FREM3: variants seen among roughly 807,000 people sequenced by gnomAD.
The protein encoded by FREM3 is FRAS1-related extracellular matrix protein 3.
In FREM3, 105 loss-of-function variants were observed where a neutral mutation model predicts 129.1. The ratio of observed to expected loss-of-function variants is 0.81; its 90% CI spans 0.69 to 0.96. The LOEUF is 0.96. FREM3 is among the 40% of genes least tolerant of loss of function. FREM3 has a pLI of 0.00. For missense variants in FREM3, 2,593 were observed against 2,666.3 expected (o/e 0.97, Z 0.61); for synonymous variants, 1,014 against 1,044.9 (o/e 0.97, Z 0.57).
At chr4:143,643,576 G>T (rs968008522) in intron 2 of FREM3, among the ~76,000 whole-genome samples, 1 of 152,050 alleles carries the variant, frequency 6.6e-6, no homozygotes, top group African/African-American at 2.4e-5. Flanking sequence ...TGCAAATACT[G>T]CACAGTCTCA....
Position 143,577,840 on chromosome 4 carries a change from T to C in FREM3, c.6191A>G (p.Tyr2064Cys), listed in dbSNP as rs528384353. 1.3e-6 allele frequency: 2 copies of C among 1,537,112 alleles called. No individual in the cohort carries two copies. The highest frequency in any genetic ancestry group is 4.9e-5 in the East Asian group (2 of 40,924). Reference sequence around the variant, plus strand: ...GTCCAGGTTTCGGCTGATACCAACATAATCTGTTCCAGCTAGTGAAAAAGG... The same window carrying C: ...GTCCAGGTTTCGGCTGATACCAACACAATCTGTTCCAGCTAGTGAAAAAGG... Reference protein sequence around the residue: ...EQESAEAGTDYVGISRNLDFA... With the variant: ...EQESAEAGTDCVGISRNLDFA... Residue 2064 changes from tyrosine to cysteine, a missense_variant, in exon 8 of 8, where the codon TAT (tyrosine) becomes TGT (cysteine). Around this residue, in one of 2 missense-constraint regions of FREM3, gnomAD observed 317 missense variants for 399.0 expected, o/e 0.79. Transcript: ENST00000329798.
chr4:143,681,989 T>C (rs999318077), intron 2 of FREM3, among the ~76,000 whole-genome samples: 25 of 152,234 alleles, frequency 1.6e-4, no homozygotes, highest in African/African-American at 5.8e-4. Flanking sequence ...AAATATAAAA[T>C]CAGTTTATAA....
At chr4:143,682,430 C>T (rs1320226007) in intron 2 of FREM3, among the ~76,000 whole-genome samples, 2 of 152,184 alleles carry the variant, frequency 1.3e-5, no homozygotes, top group Non-Finnish European at 2.9e-5. Flanking sequence ...TGATTGCGGG[C>T]TACCACTTCT....
rs184200155 is a variant in FREM3, at chr4:143,695,632, G to A, written c.5044C>T (p.Leu1682=). ...KRLHTGHMGF[L]ITSKSLKAED... ...GCCTTCAGAGACTTGCTGGTAATCA[G>A]GAAGCCCATGTGTCCAGTGTGAAGG... is the stretch of plus-strand genomic sequence containing the variant. Residue 1682 remains leucine (L), a synonymous_variant, in exon 1 of 8, where the codon CTG becomes TTG. Transcript: ENST00000329798. 136 of 1,537,282 alleles carry A rather than the reference G, an allele frequency of 8.8e-5. 1 individual carries two copies. The East Asian group carries it at 2.2e-3, about 25-fold the overall frequency.
intron 5 of FREM3, among the ~76,000 whole-genome samples, chr4:143,612,759 A>G (rs1352459790): frequency 1.3e-5 from 2 of 152,218 alleles, no homozygotes; most frequent in Non-Finnish European, 2.9e-5. Flanking sequence ...TGTAATTTAA[A>G]TGATTTAGGC....
At position 143,696,928 on chromosome 4, in the gene FREM3, G is replaced by A. The variant is rs1560876949; in HGVS notation, c.3748C>T (p.Gln1250Ter). The change falls in exon 1 of 8, where the codon CAG becomes TAG. Residue 1250 changes from glutamine to a stop codon, truncating the protein, a stop_gained. Coordinates refer to ENST00000329798, the MANE Select transcript of FREM3 (RefSeq NM_001168235.2). LOFTEE classifies it high-confidence loss of function. ...TTGAGGGTGAAGCTGTGGATGGGCT[G>A]GCTGCCTGTAGCCAGCTGCTGTATG... Reference protein sequence around the residue: ...RIIQQLATGSQPIHSFTLKEI... With the variant: ...RIIQQLATGS 2 of 1,537,520 alleles carry A rather than the reference G, an allele frequency of 1.3e-6. No individual in the cohort carries two copies. Among genetic ancestry groups the A allele is most frequent in the Non-Finnish European group, 1.7e-6 (2 of 1,146,996 alleles).
At chr4:143,682,257 A>G (rs1740265962) in intron 2 of FREM3, among the ~76,000 whole-genome samples, 1 of 152,176 alleles carries the variant, frequency 6.6e-6, no homozygotes. Flanking sequence ...TTCCAGGCCT[A>G]AGTAACAAAA....
rs1364826806 is a variant in FREM3 at position 143,697,761 on chromosome 4, A to G, written c.2915T>C (p.Ile972Thr). Residue 972 changes from isoleucine to threonine, a missense_variant, in exon 1 of 8, where the codon ATC (isoleucine) becomes ACC (threonine). Physicochemically the swap from Ile to Thr is moderately conservative, Grantham distance 89. This residue lies in a region of FREM3 where 2,276 missense variants were observed against 2,267.2 expected (regional missense o/e 1.00). Coordinates refer to ENST00000329798, the MANE Select transcript of FREM3 (RefSeq NM_001168235.2). ...NKATEITMGV[I>T]HGKRKDVGDL... ...ACCTACATCCTTCCTTTTGCCATGG[A>G]TGACACCCATGGTAATTTCAGTGGC... 2 of 1,537,410 alleles carry G rather than the reference A, an allele frequency of 1.3e-6. No individual in the cohort carries two copies. Among genetic ancestry groups the G allele is most frequent in the South Asian group, 2.4e-5 (2 of 84,064 alleles).
chr4:143,676,470 G>A (rs1740126817), intron 2 of FREM3, among the ~76,000 whole-genome samples: 1 of 152,254 alleles, frequency 6.6e-6, no homozygotes, highest in Non-Finnish European at 1.5e-5. Context: ...CATTCCCTTT[G>A]AAAACTGGCA....
At chr4:143,629,108 A>G (rs1324870333) in intron 2 of FREM3, among the ~76,000 whole-genome samples, 1 of 152,138 alleles carries the variant, frequency 6.6e-6, no homozygotes, top group African/African-American at 2.4e-5. Flanking sequence ...GGAACCCATG[A>G]AAACACCAAG....
intron 2 of FREM3, among the ~76,000 whole-genome samples, chr4:143,658,872 G>C (rs910742301): frequency 1.3e-5 from 2 of 152,024 alleles, no homozygotes; most frequent in Admixed American, 1.3e-4. Flanking sequence ...TCTGGCCGCA[G>C]CCTCTGCAGT....
In FREM3 at chr4:143,596,798, G is replaced by T. The variant is rs1246711393; in HGVS notation, c.6029-10805C>A. Reference sequence around the variant, plus strand: ...AAAAAATAAAGAAATAATTAGCTGGGTGTGGTGCATATGCCTGTAGTCCCA... The same window carrying T: ...AAAAAATAAAGAAATAATTAGCTGGTTGTGGTGCATATGCCTGTAGTCCCA... On this transcript the variant is annotated intron_variant, in intron 6 of 7. Transcript: ENST00000329798. Among the ~76,000 whole-genome samples, 3 of 151,936 alleles carry T rather than the reference G, an allele frequency of 2.0e-5. No individual in the cohort carries two copies. The East Asian group carries it at 5.8e-4, about 29-fold the overall frequency.
chr4:143,678,085 G>C (rs180839166), intron 2 of FREM3, among the ~76,000 whole-genome samples: 1 of 152,166 alleles, frequency 6.6e-6, no homozygotes, highest in Non-Finnish European at 1.5e-5. Flanking sequence ...AAAGACACAT[G>C]CACACGTATG....
At chr4:143,680,222 A>G (rs1021234714) in intron 2 of FREM3, among the ~76,000 whole-genome samples, 1 of 151,256 alleles carries the variant, frequency 6.6e-6, no homozygotes, top group Non-Finnish European at 1.5e-5. Context: ...TCCCCTATAT[A>G]TATATATATG....
At chr4:143,690,423 A>G (rs1740444222) in intron 2 of FREM3, among the ~76,000 whole-genome samples, 1 of 152,168 alleles carries the variant, frequency 6.6e-6, no homozygotes, top group South Asian at 2.1e-4. Context: ...CTTAAGGCCC[A>G]TGAGCTAAGC....
chr4:143,590,645 T>C (rs1738341554), intron 6 of FREM3, among the ~76,000 whole-genome samples: 1 of 152,234 alleles, frequency 6.6e-6, no homozygotes, highest in East Asian at 1.9e-4. Context: ...TTTGCCAGTA[T>C]TTTATTGAGG....
chr4:143,681,287 T>A (rs1315606937), intron 2 of FREM3, among the ~76,000 whole-genome samples: 1 of 152,132 alleles, frequency 6.6e-6, no homozygotes, highest in Non-Finnish European at 1.5e-5. Flanking sequence ...TAAAACACTT[T>A]ATTGATATAT....
At chr4:143,626,800 C>A (rs1010258375) in intron 3 of FREM3, among the ~76,000 whole-genome samples, 2 of 152,130 alleles carry the variant, frequency 1.3e-5, no homozygotes, top group East Asian at 3.9e-4. Flanking sequence ...GTTTTCTCTC[C>A]AGCTCATTTC....
chr4:143,627,964 C>A (rs1042440701), intron 2 of FREM3, among the ~76,000 whole-genome samples: 3 of 152,210 alleles, frequency 2.0e-5, no homozygotes, highest in African/African-American at 7.2e-5. Context: ...ATTCCTCCTG[C>A]TTAATCTGGA....
Sources: allele counts gnomAD v4.1 joint callset (sites outside exome capture counted in the v4.1 genomes callset), GRCh38; gene constraint gnomAD v4.1.1; regional missense constraint gnomAD v4.1.1; transcripts MANE v1.5; gene names NCBI Gene and HGNC (gene_info 2026-07-23, HGNC 2026-07-21).